Variants in ERBB4 observed in about 807,000 individuals in gnomAD.
ERBB4 encodes erb-b2 receptor tyrosine kinase 4.
A neutral mutation model predicts 158.0 loss-of-function variants in ERBB4; 42 were observed. That is an observed-to-expected ratio of 0.27 (90% CI 0.21 to 0.34). The LOEUF (loss-of-function observed/expected upper bound fraction) is 0.34, where lower values mean the gene tolerates loss of function less well. Among genes scored for constraint, ERBB4 ranks in the 10% least tolerant of loss-of-function variants. ERBB4 has a pLI of 1.00. For missense variants in ERBB4, 1,333 were observed against 1,624.1 expected, an observed-to-expected ratio of 0.82 and a Z score of 3.08; for synonymous variants, 583 against 558.7, an observed-to-expected ratio of 1.04 and a Z score of -0.61.
chr2:212,117,754 T>C (rs1357325570), intron 2 of ERBB4, among the ~76,000 whole-genome samples: 1 of 138,676 alleles, frequency 7.2e-6, no homozygotes, highest in Non-Finnish European at 1.7e-5. Flanking sequence ...GTCATAGATG[T>C]TTAATTTAAA....
chr2:212,271,681 C>G (rs1421298268), intron 1 of ERBB4, among the ~76,000 whole-genome samples: 1 of 151,712 alleles, frequency 6.6e-6, no homozygotes, highest in East Asian at 1.9e-4. Flanking sequence ...ATCAAGAGGT[C>G]ACTTCCCAGT....
chr2:211,546,490 C>T (rs1273025114), intron 20 of ERBB4, among the ~76,000 whole-genome samples: 1 of 152,088 alleles, frequency 6.6e-6, no homozygotes. Flanking sequence ...AGCCTGTATT[C>T]ATTATTAACC....
intron 1 of ERBB4, among the ~76,000 whole-genome samples, chr2:212,285,018 T>G (rs1357487619): frequency 6.6e-6 from 1 of 152,080 alleles, no homozygotes; most frequent in Non-Finnish European, 1.5e-5. Context: ...ATAACCTTAA[T>G]GTAATTTGAT....
At chr2:211,669,144 G>A (rs1045883479) in intron 14 of ERBB4, among the ~76,000 whole-genome samples, 6 of 146,358 alleles carry the variant, frequency 4.1e-5, no homozygotes, top group Admixed American at 1.4e-4. Context: ...ACTCGTTTGT[G>A]CCCAGGAAGC....
At position 212,003,235 on chromosome 2, in the gene ERBB4, AGG is replaced by A. The variant is rs1275122814; in HGVS notation, c.235-55621_235-55620del. 1.5e-4 allele frequency among the ~76,000 whole-genome samples: 22 copies of A among 146,622 alleles called. 1 individual carries two copies. The highest frequency in any genetic ancestry group is 3.9e-4 in the East Asian group (2 of 5,082). ...AAAGAAGGAAGGAAGGAAGGAAGGA[AGG>A]AAGGAAGGAAGGAAGGAAGGAAAGA... is the stretch of plus-strand genomic sequence containing the variant. On this transcript the variant is annotated intron_variant, in intron 2 of 27. Coordinates refer to ENST00000342788, the MANE Select transcript of ERBB4 (RefSeq NM_005235.3).
chr2:212,240,066 T>C (rs1468789134), intron 1 of ERBB4, among the ~76,000 whole-genome samples: 3 of 152,218 alleles, frequency 2.0e-5, no homozygotes, highest in Non-Finnish European at 4.4e-5. Context: ...GAGGTGCTTA[T>C]TGTGAAATCT....
chr2:211,445,459 A>T (rs2064087895), intron 20 of ERBB4, among the ~76,000 whole-genome samples: 2 of 152,246 alleles, frequency 1.3e-5, no homozygotes, highest in South Asian at 4.1e-4. Flanking sequence ...AGTGCCAGAA[A>T]AGAATACCAG....
intron 1 of ERBB4, among the ~76,000 whole-genome samples, chr2:212,404,445 A>C (rs1289204959): frequency 1.3e-5 from 2 of 152,052 alleles, no homozygotes; most frequent in African/African-American, 4.8e-5. Flanking sequence ...AATATTTTTG[A>C]GCAATGACTA....
intron 6 of ERBB4, among the ~76,000 whole-genome samples, chr2:211,723,849 C>T (rs529591770): frequency 6.6e-6 from 1 of 152,248 alleles, no homozygotes; most frequent in South Asian, 2.1e-4. Flanking sequence ...TACACCAAGG[C>T]CTTAGTCTGG....
At chr2:212,245,263 G>A (rs1015102837) in intron 1 of ERBB4, among the ~76,000 whole-genome samples, 1 of 152,112 alleles carries the variant, frequency 6.6e-6, no homozygotes, top group Admixed American at 6.6e-5. Context: ...TTTTTTGGGT[G>A]TATTTTGAAT....
chr2:211,905,389 A>C (rs1171040488), intron 3 of ERBB4, among the ~76,000 whole-genome samples: 1 of 151,768 alleles, frequency 6.6e-6, no homozygotes, highest in Non-Finnish European at 1.5e-5. Context: ...TTTCTATTTT[A>C]AGGTCAGCTG....
At chr2:211,861,339 G>C (rs10190382) in intron 3 of ERBB4, among the ~76,000 whole-genome samples, 1 of 89,836 alleles carries the variant, frequency 1.1e-5, no homozygotes, top group Non-Finnish European at 2.1e-5. Flanking sequence ...TTTTTTTTTT[G>C]TTTTTTTTTT....
intron 1 of ERBB4, among the ~76,000 whole-genome samples, chr2:212,171,190 T>G (rs2125671859): frequency 6.6e-6 from 1 of 152,196 alleles, no homozygotes; most frequent in East Asian, 1.9e-4. Flanking sequence ...GCTTTAAAAT[T>G]TAATGACTGC....
chr2:212,447,837 T>C (rs980922750), intron 1 of ERBB4, among the ~76,000 whole-genome samples: 1 of 151,900 alleles, frequency 6.6e-6, no homozygotes, highest in Admixed American at 6.6e-5. Context: ...CATTTCTTTC[T>C]TCAACATTGG....
chr2:211,616,075 C>T (rs576491571), intron 19 of ERBB4, among the ~76,000 whole-genome samples: 13 of 152,166 alleles, frequency 8.5e-5, no homozygotes, highest in Middle Eastern at 3.4e-3. Context: ...TACCAGATGA[C>T]CCCCACCCAC....
chr2:211,560,162 C>T (rs2067345722), intron 20 of ERBB4, among the ~76,000 whole-genome samples: 1 of 146,268 alleles, frequency 6.8e-6, no homozygotes, highest in Non-Finnish European at 1.5e-5. Flanking sequence ...TGTACAATGT[C>T]ATATAAATGA....
chr2:211,479,230 T>C (rs2065026828), intron 20 of ERBB4, among the ~76,000 whole-genome samples: 1 of 152,152 alleles, frequency 6.6e-6, no homozygotes, highest in African/African-American at 2.4e-5. Flanking sequence ...GGTCTGGAGA[T>C]CATACTCTGA....
At chr2:211,687,306 A>T in intron 12 of ERBB4, among the ~76,000 whole-genome samples, 1 of 3,806 alleles carries the variant, frequency 2.6e-4, no homozygotes, top group South Asian at 0.038. Flanking sequence ...CTCCGTCTCA[A>T]AAAAAAAAAA....
intron 1 of ERBB4, among the ~76,000 whole-genome samples, chr2:212,438,488 C>A (rs191555477): frequency 2.0e-5 from 3 of 152,038 alleles, no homozygotes; most frequent in African/African-American, 4.8e-5. Context: ...ATATCTACAA[C>A]AATTAGTAAG....
Sources: allele counts gnomAD v4.1 joint callset (sites outside exome capture counted in the v4.1 genomes callset), GRCh38; gene constraint gnomAD v4.1.1; transcripts MANE v1.5; gene names NCBI Gene and HGNC (gene_info 2026-07-23, HGNC 2026-07-21).